DENND4C: variants seen among roughly 807,000 people sequenced by gnomAD.
The protein encoded by DENND4C is DENN domain containing 4C.
Under a neutral mutation model 203.0 loss-of-function variants are expected in DENND4C, and 108 were observed. That is an observed-to-expected ratio of 0.53 (90% CI 0.46 to 0.62). The LOEUF (loss-of-function observed/expected upper bound fraction) is 0.62. Ranked by LOEUF, DENND4C falls within the 20% of genes least tolerant of loss-of-function variation. The pLI, the probability that DENND4C is intolerant of heterozygous loss-of-function variation, is 0.00. For synonymous variants in DENND4C, 871 were observed against 792.4 expected, an observed-to-expected ratio of 1.10 and a Z score of -1.67; for missense variants, 2,481 against 2,301.2, an observed-to-expected ratio of 1.08 and a Z score of -1.60.
chr9:19,235,361 A>G (rs1821672772), intron 1 of DENND4C, among the ~76,000 whole-genome samples: 1 of 152,228 alleles, frequency 6.6e-6, no homozygotes, highest in Admixed American at 6.5e-5. Flanking sequence ...ACAAGGTGAA[A>G]GGCTGTAGAT....
At chr9:19,301,892 G>T (rs978610022) in intron 9 of DENND4C, among the ~76,000 whole-genome samples, 17 of 152,102 alleles carry the variant, frequency 1.1e-4, no homozygotes, top group Non-Finnish European at 1.6e-4. Flanking sequence ...AGCTGAGATT[G>T]CGCCACTGCA....
intron 1 of DENND4C, among the ~76,000 whole-genome samples, chr9:19,236,227 AT>A (rs1821938578): frequency 6.6e-6 from 1 of 152,210 alleles, no homozygotes; most frequent in African/African-American, 2.4e-5. Context: ...GTAAGGTCTA[AT>A]AGGTTAAACA....
chr9:19,337,271 T>G (rs1820696540), intron 20 of DENND4C, among the ~76,000 whole-genome samples: 1 of 152,234 alleles, frequency 6.6e-6, no homozygotes, highest in Admixed American at 6.5e-5. Flanking sequence ...TTTTAAGATC[T>G]GAGAAGTTAT....
chr9:19,357,787 G>C, intron 27 of DENND4C, 178 bp from the exon 28 acceptor site: 2 of 527,772 alleles, frequency 3.8e-6, no homozygotes, highest in Non-Finnish European at 6.6e-6. Flanking sequence ...ACTCCATCCT[G>C]TTTTTCTGAC....
Position 19,372,255 on chromosome 9 carries a change from C to A in DENND4C, c.*82C>A. 6.6e-7 allele frequency: 1 copy of A among 1,510,454 alleles called. No individual in the cohort carries two copies. The highest frequency in any genetic ancestry group is 8.9e-7 in the Non-Finnish European group (1 of 1,117,566). The allele number at this position is 1,510,454 out of a possible 1,614,324, so 93.6% of individuals were successfully genotyped here. ...AACATTCAAGTTTTTTTTTCCAAATCGTAAGAACTGGTGAATACGGAATTG... is the reference window on the plus strand; with the variant it reads ...AACATTCAAGTTTTTTTTTCCAAATAGTAAGAACTGGTGAATACGGAATTG... On this transcript the variant is annotated 3_prime_UTR_variant, in exon 33 of 33. Coordinates refer to ENST00000434457, the MANE Select transcript of DENND4C (RefSeq NM_001330640.2).
rs1052213570 is a variant in DENND4C at position 19,256,763 on chromosome 9, A to AT, written c.-17-19389dup. 5.9e-5 allele frequency among the ~76,000 whole-genome samples: 9 copies of AT among 152,198 alleles called. No homozygotes were observed. The South Asian group carries it at 1.5e-3, about 25-fold the overall frequency. On this transcript the variant is annotated intron_variant, in intron 1 of 32. Coordinates refer to ENST00000434457, the MANE Select transcript of DENND4C (RefSeq NM_001330640.2). ...AAATTATCTATTGGGCAAAGAAAAT[A>AT]TTTTTTAAAAAAGGAAATAAAACAA...
intron 1 of DENND4C, among the ~76,000 whole-genome samples, chr9:19,253,209 T>TA (rs1827085175): frequency 6.6e-6 from 1 of 152,214 alleles, no homozygotes; most frequent in Admixed American, 6.5e-5. Context: ...CTGATTTCTT[T>TA]AAAAAGGTAG....
At chr9:19,282,606 G>A (rs1209299085) in intron 2 of DENND4C, among the ~76,000 whole-genome samples, 1 of 150,532 alleles carries the variant, frequency 6.6e-6, no homozygotes, top group African/African-American at 2.4e-5. Context: ...GCCCAGGCTG[G>A]CATTGCACTC....
At chr9:19,347,137 A>G in intron 23 of DENND4C, 51 bp downstream of exon 23, 1 of 1,478,916 alleles carries the variant, frequency 6.8e-7, no homozygotes, top group Non-Finnish European at 9.2e-7. Context: ...TGTTTATAGT[A>G]TCTTTCTAGA....
chr9:19,283,968 G>T (rs988506470), intron 2 of DENND4C, among the ~76,000 whole-genome samples: 1 of 152,042 alleles, frequency 6.6e-6, no homozygotes, highest in Non-Finnish European at 1.5e-5. Context: ...AGATTCATTG[G>T]CTTTCAACTG....
At position 19,350,631 on chromosome 9, in the gene DENND4C, G is replaced by A; in HGVS notation, c.4318-71G>A. ...GATTATAGAGTTTAATTTTGAAAAG[G>A]GTAGAGTGGGTATAATCCCACTGGA... On this transcript the variant is annotated intron_variant, in intron 23 of 32. Coordinates refer to ENST00000434457, the MANE Select transcript of DENND4C (RefSeq NM_001330640.2). 12 of 1,310,808 alleles carry A rather than the reference G, an allele frequency of 9.2e-6. 1 individual carries two copies. Among genetic ancestry groups the A allele is most frequent in the Non-Finnish European group, 1.3e-5 (12 of 953,480 alleles). The allele number at this position is 1,310,808 out of a possible 1,614,324, so 81.2% of individuals were successfully genotyped here.
At chr9:19,329,514 G>A (rs1310633222) in intron 16 of DENND4C, among the ~76,000 whole-genome samples, 1 of 152,154 alleles carries the variant, frequency 6.6e-6, no homozygotes, top group African/African-American at 2.4e-5. Context: ...GAACATTTGT[G>A]TATAAGTGTT....
intron 31 of DENND4C, among the ~76,000 whole-genome samples, chr9:19,370,498 C>G (rs1313196292): frequency 6.6e-6 from 1 of 151,848 alleles, no homozygotes; most frequent in Non-Finnish European, 1.5e-5. Flanking sequence ...TTAAGAAGAT[C>G]ATTCATTGAT....
intron 9 of DENND4C, among the ~76,000 whole-genome samples, chr9:19,303,609 A>T (rs532554270): frequency 2.0e-5 from 3 of 152,238 alleles, no homozygotes; most frequent in Admixed American, 2.0e-4. Flanking sequence ...CATTATGTAG[A>T]ACAGTGATTG....
chr9:19,294,446 C>T (rs1297968086), intron 5 of DENND4C, among the ~76,000 whole-genome samples: 2 of 152,100 alleles, frequency 1.3e-5, no homozygotes, highest in Non-Finnish European at 2.9e-5. Flanking sequence ...ATGAGAAAGT[C>T]AAATGCTGCT....
At chr9:19,255,348 T>G (rs1827680488) in intron 1 of DENND4C, among the ~76,000 whole-genome samples, 2 of 151,952 alleles carry the variant, frequency 1.3e-5, no homozygotes, top group South Asian at 4.2e-4. Flanking sequence ...GAGGCTGAAG[T>G]GAGCTATGAT....
chr9:19,354,470 CTT>C (rs1170939282), intron 26 of DENND4C, among the ~76,000 whole-genome samples: 1 of 150,948 alleles, frequency 6.6e-6, no homozygotes, highest in Non-Finnish European at 1.5e-5. Flanking sequence ...GGTATTATCA[CTT>C]TTTAAATTTT....
intron 1 of DENND4C, among the ~76,000 whole-genome samples, chr9:19,251,794 T>C (rs898625580): frequency 5.3e-5 from 8 of 152,176 alleles, no homozygotes; most frequent in African/African-American, 1.9e-4. Flanking sequence ...TGCTCCAGTT[T>C]CCAACAAGTT....
At chr9:19,367,719 A>T (rs547940200) in intron 30 of DENND4C, among the ~76,000 whole-genome samples, 1 of 152,330 alleles carries the variant, frequency 6.6e-6, no homozygotes, top group South Asian at 2.1e-4. Flanking sequence ...CAGCCTGGGC[A>T]ACAGAGCGAG....
Sources: allele counts gnomAD v4.1 joint callset (sites outside exome capture counted in the v4.1 genomes callset), GRCh38; gene constraint gnomAD v4.1.1; transcripts MANE v1.5; gene names NCBI Gene and HGNC (gene_info 2026-07-23, HGNC 2026-07-21).